The following NPR3 variants were observed in gnomAD, a reference collection of about 807,000 sequenced individuals.
NPR3 encodes the protein natriuretic peptide receptor 3.
Under a neutral mutation model 54.5 loss-of-function variants are expected in NPR3, and 34 were observed. The ratio of observed to expected loss-of-function variants is 0.62; its 90% CI spans 0.47 to 0.83. NPR3 has a LOEUF of 0.83. NPR3 is among the 40% of genes least tolerant of loss of function. NPR3 has a pLI of 0.00. For missense variants in NPR3, 674 were observed against 720.8 expected (o/e 0.94, Z 0.74); for synonymous variants, 289 against 297.1 (o/e 0.97, Z 0.28).
rs1477458503 is a variant in NPR3 at position 32,711,737 on chromosome 5, G to C, written c.-40G>C. The stretch of plus-strand genomic sequence containing the variant: ...GAAGGGTGGGTGGGGGGCAGAGGGC[G>C]AGTCGGCGGCGGCGAGGGCAAGCTC... On this transcript the variant is annotated 5_prime_UTR_variant, in exon 1 of 8. Transcript: ENST00000265074. 1 of 1,412,010 alleles carries C rather than the reference G, an allele frequency of 7.1e-7. No individual in the cohort carries two copies. Among genetic ancestry groups the C allele is most frequent in the African/African-American group, 1.5e-5 (1 of 66,554 alleles). 87.5% of individuals were successfully genotyped at this position (1,412,010 alleles called of 1,614,324 possible). A position where few individuals can be genotyped will look rare whatever the true frequency, so the allele number is the denominator to read the frequency against.
intron 3 of NPR3, among the ~76,000 whole-genome samples, chr5:32,755,850 G>A (rs960102841): frequency 2.6e-5 from 4 of 152,242 alleles, no homozygotes; most frequent in Middle Eastern, 3.4e-3. Context: ...GAGAACATGC[G>A]GTGTTTGGTT....
chr5:32,745,249 TC>T (rs1444703778), intron 3 of NPR3, among the ~76,000 whole-genome samples: 1 of 152,016 alleles, frequency 6.6e-6, no homozygotes, highest in African/African-American at 2.4e-5. Flanking sequence ...CATCTGGAGG[TC>T]CCCTGAAATC....
intron 2 of NPR3, among the ~76,000 whole-genome samples, chr5:32,731,897 C>T (rs537993533): frequency 3.9e-5 from 6 of 152,150 alleles, no homozygotes; most frequent in Non-Finnish European, 7.4e-5. Context: ...CTAATGTCAT[C>T]AGGAGTCCAA....
At chr5:32,718,305 A>G (rs1266095003) in intron 1 of NPR3, among the ~76,000 whole-genome samples, 1 of 152,108 alleles carries the variant, frequency 6.6e-6, no homozygotes, top group Admixed American at 6.5e-5. Flanking sequence ...TATGCTTAGG[A>G]TTGTCTTGGC....
intron 3 of NPR3, among the ~76,000 whole-genome samples, chr5:32,772,111 A>G (rs1338724747): frequency 6.6e-6 from 1 of 152,234 alleles, no homozygotes; most frequent in Non-Finnish European, 1.5e-5. Flanking sequence ...TAGCCAAATG[A>G]GCAGAAATTA....
chr5:32,750,503 A>G (rs984283083), intron 3 of NPR3, among the ~76,000 whole-genome samples: 2 of 151,974 alleles, frequency 1.3e-5, no homozygotes, highest in African/African-American at 4.8e-5. Flanking sequence ...GTCTTAAAAC[A>G]TTTATTTATT....
intron 4 of NPR3, among the ~76,000 whole-genome samples, chr5:32,777,800 A>G (rs971647565): frequency 1.1e-4 from 17 of 152,182 alleles, no homozygotes; most frequent in African/African-American, 4.1e-4. Context: ...CTCCAGGATT[A>G]TCTTGTTTTA....
chr5:32,769,037 G>A (rs115907799), intron 3 of NPR3, among the ~76,000 whole-genome samples: 2 of 152,218 alleles, frequency 1.3e-5, no homozygotes, highest in African/African-American at 2.4e-5. Flanking sequence ...GCTAAAATAC[G>A]TCATCAAGTG....
At chr5:32,747,718 TA>T (rs1740373640) in intron 3 of NPR3, among the ~76,000 whole-genome samples, 1 of 152,000 alleles carries the variant, frequency 6.6e-6, no homozygotes, top group Admixed American at 6.6e-5. Context: ...CCTTTTTTCT[TA>T]AATTTCCCCG....
At position 32,711,771 on chromosome 5, in the gene NPR3, G is replaced by T. The variant is rs116204726; in HGVS notation, c.-6G>T. ...GCGGCGAGGGCAAGCTCTTTCTTGC[G>T]GCACGATGCCGTCTCTGCTGGTGCT... is the stretch of plus-strand genomic sequence containing the variant. On this transcript the variant is annotated 5_prime_UTR_variant, in exon 1 of 8. Coordinates refer to ENST00000265074, the MANE Select transcript of NPR3 (RefSeq NM_001204375.2). The T allele has an allele frequency of 2.1e-6, 3 of 1,417,136 alleles. No homozygotes were observed. In the African/African-American group the frequency reaches 4.5e-5, roughly 21 times the overall value. The allele number at this position is 1,417,136 out of a possible 1,614,324, so 87.8% of individuals were successfully genotyped here.
chr5:32,703,894 C>A (rs1422039719), intron 1 of NPR3, among the ~76,000 whole-genome samples: 2 of 152,226 alleles, frequency 1.3e-5, no homozygotes, highest in African/African-American at 4.8e-5. Context: ...CCCCCACATC[C>A]ACTGGCTCCA....
intron 7 of NPR3, among the ~76,000 whole-genome samples, chr5:32,785,295 G>A (rs1742560941): frequency 6.6e-6 from 1 of 152,024 alleles, no homozygotes; most frequent in Non-Finnish European, 1.5e-5. Context: ...GACTACAGGT[G>A]CAGACCACCA....
At chr5:32,761,537 G>C (rs1741161833) in intron 3 of NPR3, among the ~76,000 whole-genome samples, 1 of 151,984 alleles carries the variant, frequency 6.6e-6, no homozygotes, top group African/African-American at 2.4e-5. Context: ...TTTAGATTGA[G>C]ATATTTTCTA....
In NPR3 at chr5:32,786,566, G is replaced by A. The variant is rs1223827987; in HGVS notation, c.*221G>A. ...GACAAACAAATATAATAATGATATCGTGTCACTCTGTTAAATGTTCATACT... is the reference window on the plus strand; with the variant it reads ...GACAAACAAATATAATAATGATATCATGTCACTCTGTTAAATGTTCATACT... On this transcript the variant is annotated 3_prime_UTR_variant, in exon 8 of 8. Coordinates refer to ENST00000265074, the MANE Select transcript of NPR3 (RefSeq NM_001204375.2). The A allele has an allele frequency of 1.7e-5, 9 of 516,190 alleles. No individual in the cohort carries two copies. The highest frequency in any genetic ancestry group is 8.0e-5 in the Admixed American group (2 of 25,116). The allele number at this position is 516,190 out of a possible 1,614,324, so 32.0% of individuals were successfully genotyped here. A position where few individuals can be genotyped will look rare whatever the true frequency, so the allele number is the denominator to read the frequency against.
In NPR3 at chr5:32,711,326, G is replaced by A; in HGVS notation, c.-451G>A. 2 of 986,144 alleles carry A rather than the reference G, an allele frequency of 2.0e-6. No individual in the cohort carries two copies. The highest frequency in any genetic ancestry group is 2.4e-6 in the Non-Finnish European group (2 of 830,754). 61.1% of individuals were successfully genotyped at this position (986,144 alleles called of 1,614,324 possible). On this transcript the variant is annotated 5_prime_UTR_variant, in exon 1 of 8. Coordinates refer to ENST00000265074, the MANE Select transcript of NPR3 (RefSeq NM_001204375.2). ...GGGCTATGGATCCAGGAACCGGCGC[G>A]AATCAATGAGATCAAATGCGAGGGA...
At chr5:32,726,086 T>G (rs1163668532) in intron 2 of NPR3, among the ~76,000 whole-genome samples, 6 of 152,200 alleles carry the variant, frequency 3.9e-5, no homozygotes, top group Non-Finnish European at 8.8e-5. Flanking sequence ...TCTCAAACGC[T>G]GCATGCTGGC....
chr5:32,710,472 T>A, upstream of NPR3: 1 of 521,446 alleles, frequency 1.9e-6, no homozygotes, highest in South Asian at 4.7e-5. Context: ...TCCCTCGCCT[T>A]TGGGAGCAAC....
rs374236891 is a variant in NPR3 at position 32,712,106 on chromosome 5, C to T, written c.330C>T (p.Asn110=). The change falls in exon 1 of 8, where the codon AAC becomes AAT. Residue 110 remains asparagine (N), a synonymous_variant. Transcript: ENST00000265074. ...CTTACGAGGATTCAGACTGTGGGAA[C>T]CGTGCGCTCTTCAGCTTGGTGGACC... is the stretch of plus-strand genomic sequence containing the variant. ...QVAYEDSDCG[N]RALFSLVDRV... 1.7e-5 allele frequency: 27 copies of T among 1,613,772 alleles called. 1 individual carries two copies. The African/African-American group carries it at 1.7e-4, about 10-fold the overall frequency.
intron 7 of NPR3, among the ~76,000 whole-genome samples, chr5:32,785,138 ATTTTTTTTTTT>A (rs11427729): frequency 1.3e-4 from 12 of 90,896 alleles, no homozygotes; most frequent in African/African-American, 1.5e-4. Context: ...TTGATCACAG[ATTTTTTTTTTT>A]TTTTTTTTTT....
Sources: gnomAD v4.1 joint callset for allele counts (sites outside exome capture counted in the v4.1 genomes callset) on GRCh38, gnomAD v4.1.1 for gene constraint, MANE v1.5 for transcripts, NCBI Gene and HGNC (gene_info 2026-07-23, HGNC 2026-07-21) for gene names.